The following OR2M3 variants were observed in gnomAD, a reference collection of about 807,000 sequenced individuals.
OR2M3 encodes olfactory receptor family 2 subfamily M member 3, also known as olfactory receptor 2M3.
A neutral mutation model predicts 4.3 loss-of-function variants in OR2M3; 1 was observed. The ratio of observed to expected loss-of-function variants is 0.23; its 90% confidence interval spans 0.08 to 1.11. OR2M3 has a LOEUF of 1.11. OR2M3 is among the 50% of genes most tolerant of loss of function. OR2M3 has a pLI of 0.54. For missense variants in OR2M3, 410 were observed against 390.4 expected, an observed-to-expected ratio of 1.05 and a Z score of -0.42; for synonymous variants, 151 against 139.4, an observed-to-expected ratio of 1.08 and a Z score of -0.59.
rs888153549 is a variant in OR2M3, at chr1:248,212,341, A to G, written c.*8335A>G. 1 of 152,064 alleles carries G rather than the reference A, an allele frequency of 6.6e-6. No homozygotes were observed. Among genetic ancestry groups the G allele is most frequent in the African/African-American group, 2.4e-5 (1 of 41,446 alleles). The allele number at this position is 152,064 out of a possible 1,614,324, so 9.4% of individuals were successfully genotyped here. On this transcript the variant is annotated 3_prime_UTR_variant, in exon 2 of 2. Transcript: ENST00000641626. ...ATATTCAATAATCCTTATCTTTTTA[A>G]CAATTAAGCAAAATGCATAATTAAT...
At chr1:248,200,343 G>A (rs1666142476) in intron 1 of OR2M3, among the ~76,000 whole-genome samples, 1 of 152,080 alleles carries the variant, frequency 6.6e-6, no homozygotes, top group African/African-American at 2.4e-5. Context: ...CATAGGCACT[G>A]AAAATTATTG....
At position 248,201,755 on chromosome 1, in the gene OR2M3, T is replaced by C. The variant is rs559771851; in HGVS notation, c.-18-1295T>C. ...ATGATGATTTCCAATTTCATCCATG[T>C]CCCTATAAAGGACATGAACTCATCA... On this transcript the variant is annotated intron_variant, in intron 1 of 1. Transcript: ENST00000641626. 5.4e-4 allele frequency among the ~76,000 whole-genome samples: 82 copies of C among 152,234 alleles called. 2 individuals are homozygous for C. In the East Asian group the frequency reaches 9.8e-3, roughly 18 times the overall value.
rs1440822264 is a variant in OR2M3 at position 248,208,307 on chromosome 1, T to C, written c.*4301T>C. ...AAGTGGAACATTTAGGCCACTAACA[T>C]CAATGTCGGAATTGAGATGTGAGGT... On this transcript the variant is annotated 3_prime_UTR_variant, in exon 2 of 2. Transcript: ENST00000641626. 2 of 152,156 alleles carry C rather than the reference T, an allele frequency of 1.3e-5. No individual in the cohort carries two copies. The highest frequency in any genetic ancestry group is 1.3e-4 in the Admixed American group (2 of 15,262). The allele number at this position is 152,156 out of a possible 1,614,324, so 9.4% of individuals were successfully genotyped here. A position where few individuals can be genotyped will look rare whatever the true frequency, so the allele number is the denominator to read the frequency against.
In OR2M3 at chr1:248,211,957, T is replaced by C. The variant is rs1470521546; in HGVS notation, c.*7951T>C. ...ATTTTTCTAAAATTGGTCAATTGTT[T>C]TAGCATTTCTGCTCTTTGAATAGGA... On this transcript the variant is annotated 3_prime_UTR_variant, in exon 2 of 2. Coordinates refer to ENST00000641626, the MANE Select transcript of OR2M3 (RefSeq NM_001004689.2). 3.3e-5 allele frequency: 5 copies of C among 152,230 alleles called. No individual in the cohort carries two copies. The highest frequency in any genetic ancestry group is 7.3e-5 in the Non-Finnish European group (5 of 68,042). The allele number at this position is 152,230 out of a possible 1,614,324, so 9.4% of individuals were successfully genotyped here.
intron 1 of OR2M3, among the ~76,000 whole-genome samples, chr1:248,201,540 A>G (rs928540110): frequency 6.6e-6 from 1 of 151,878 alleles, no homozygotes; most frequent in Admixed American, 6.6e-5. Context: ...GGTGTGCTGC[A>G]CCCATTAACT....
rs771206565 is a variant in OR2M3, at chr1:248,206,119, T to C, written c.*2113T>C. On this transcript the variant is annotated 3_prime_UTR_variant, in exon 2 of 2. Coordinates refer to ENST00000641626, the MANE Select transcript of OR2M3 (RefSeq NM_001004689.2). ...TTCTCAGCTGGTTGCCATTAGTATA[T>C]AGCAGAGCTACTGATTTGTGTACAT... 1.3e-5 allele frequency: 2 copies of C among 152,106 alleles called. No individual in the cohort carries two copies. The highest frequency in any genetic ancestry group is 2.4e-5 in the African/African-American group (1 of 41,426). 9.4% of individuals were successfully genotyped at this position (152,106 alleles called of 1,614,324 possible).
In OR2M3 at chr1:248,204,638, T is replaced by G. The variant is rs1435561531; in HGVS notation, c.*632T>G. 2.0e-5 allele frequency: 3 copies of G among 151,784 alleles called. No individual in the cohort carries two copies. Among genetic ancestry groups the G allele is most frequent in the Non-Finnish European group, 4.4e-5 (3 of 68,004 alleles). The allele number at this position is 151,784 out of a possible 1,614,324, so 9.4% of individuals were successfully genotyped here. A position where few individuals can be genotyped will look rare whatever the true frequency, so the allele number is the denominator to read the frequency against. Reference sequence around the variant, plus strand: ...ATAGATATATATATATATACGTATATATATACACACACACATATATATATA... The same window carrying G: ...ATAGATATATATATATATACGTATAGATATACACACACACATATATATATA... On this transcript the variant is annotated 3_prime_UTR_variant, in exon 2 of 2. Transcript: ENST00000641626.
rs575730204 is a variant in OR2M3 at position 248,208,343 on chromosome 1, A to T, written c.*4337A>T. On this transcript the variant is annotated 3_prime_UTR_variant, in exon 2 of 2. Transcript: ENST00000641626. The stretch of plus-strand genomic sequence containing the variant: ...ATTGAGATGTGAGGTACTATTCTAT[A>T]CATCGTGCTATTTGTTACCTGAATA... The T allele has an allele frequency of 1.3e-5, 2 of 152,172 alleles. No individual in the cohort carries two copies. The highest frequency in any genetic ancestry group is 4.1e-4 in the South Asian group (2 of 4,822). 9.4% of individuals were successfully genotyped at this position (152,172 alleles called of 1,614,324 possible). A position where few individuals can be genotyped will look rare whatever the true frequency, so the allele number is the denominator to read the frequency against.
Position 248,207,621 on chromosome 1 carries a change from G to C in OR2M3, c.*3615G>C, listed in dbSNP as rs1455314053. On this transcript the variant is annotated 3_prime_UTR_variant, in exon 2 of 2. Transcript: ENST00000641626. ...TCCATGTATTTGCAAGGTTTTGAGG[G>C]TTCCTTTTGGAGTTGATTTTCAATT... The C allele has an allele frequency of 6.6e-6, 1 of 151,996 alleles. No individual in the cohort carries two copies. Among genetic ancestry groups the C allele is most frequent in the Non-Finnish European group, 1.5e-5 (1 of 67,930 alleles). 9.4% of individuals were successfully genotyped at this position (151,996 alleles called of 1,614,324 possible).
Position 248,209,871 on chromosome 1 carries a change from G to A in OR2M3, c.*5865G>A, listed in dbSNP as rs1160844081. Reference sequence around the variant, plus strand: ...CTGGTCAAGTATTCAGGTTTCTCAGGTGATGGGTGAGGCCATAGAGGTAAC... The same window carrying A: ...CTGGTCAAGTATTCAGGTTTCTCAGATGATGGGTGAGGCCATAGAGGTAAC... On this transcript the variant is annotated 3_prime_UTR_variant, in exon 2 of 2. Transcript: ENST00000641626. The A allele has an allele frequency of 6.6e-6, 1 of 152,272 alleles. No homozygotes were observed. The highest frequency in any genetic ancestry group is 1.9e-4 in the East Asian group (1 of 5,190). 9.4% of individuals were successfully genotyped at this position (152,272 alleles called of 1,614,324 possible).
chr1:248,203,196 T>G lies in OR2M3; in HGVS notation c.129T>G (p.Ser43=), dbSNP rs1666178934. The G allele has an allele frequency of 1.2e-6, 2 of 1,613,944 alleles. No homozygotes were observed. The highest frequency in any genetic ancestry group is 1.7e-6 in the Non-Finnish European group (2 of 1,179,980). ...TTTCAGTGGCCTTCATGGGAAACTC[T>G]GTCATGGTTCTCCTCATCTACCTGG... is the stretch of plus-strand genomic sequence containing the variant. The part of the protein sequence containing the change: ...AIFSVAFMGN[S]VMVLLIYLDT... The change falls in exon 2 of 2, where the codon TCT becomes TCG. Residue 43 remains serine, a synonymous_variant. Coordinates refer to ENST00000641626, the MANE Select transcript of OR2M3 (RefSeq NM_001004689.2).
At position 248,203,636 on chromosome 1, in the gene OR2M3, G is replaced by A. The variant is rs763971411; in HGVS notation, c.569G>A (p.Ser190Asn). ...CCCTCCCTACTAATCCTCTCATGCA[G>A]TGACACATCAATATTTGAAAAGATT... ...DFPSLLILSC[S>N]DTSIFEKILF... is the part of the protein sequence containing the mutation. The change falls in exon 2 of 2, where the codon AGT becomes AAT. Residue 190 changes from serine to asparagine, a missense_variant. Physicochemically the swap from Ser to Asn is conservative, Grantham distance 46. Coordinates refer to ENST00000641626, the MANE Select transcript of OR2M3 (RefSeq NM_001004689.2). 3.8e-5 allele frequency: 62 copies of A among 1,613,696 alleles called. 2 individuals are homozygous for A. In the South Asian group the frequency reaches 6.4e-4, roughly 17 times the overall value.
In OR2M3 at chr1:248,212,185, A is replaced by G. The variant is rs547125954; in HGVS notation, c.*8179A>G. 39 of 152,238 alleles carry G rather than the reference A, an allele frequency of 2.6e-4. No individual in the cohort carries two copies. The highest frequency in any genetic ancestry group is 9.1e-4 in the African/African-American group (38 of 41,558). The allele number at this position is 152,238 out of a possible 1,614,324, so 9.4% of individuals were successfully genotyped here. Reference sequence around the variant, plus strand: ...GCCTTACCTTGAAATAAATAGTGAAACTGTACATGAAACAAGAAGTATACT... The same window carrying G: ...GCCTTACCTTGAAATAAATAGTGAAGCTGTACATGAAACAAGAAGTATACT... On this transcript the variant is annotated 3_prime_UTR_variant, in exon 2 of 2. Transcript: ENST00000641626.
Position 248,204,283 on chromosome 1 carries a change from G to A in OR2M3, c.*277G>A, listed in dbSNP as rs556309837. 3.5e-4 allele frequency: 91 copies of A among 262,570 alleles called. No individual in the cohort carries two copies. Among genetic ancestry groups the A allele is most frequent in the African/African-American group, 1.5e-3 (68 of 43,930 alleles). The allele number at this position is 262,570 out of a possible 1,614,324, so 16.3% of individuals were successfully genotyped here. A position where few individuals can be genotyped will look rare whatever the true frequency, so the allele number is the denominator to read the frequency against. On this transcript the variant is annotated 3_prime_UTR_variant, in exon 2 of 2. Transcript: ENST00000641626. ...CATAGGTTTTTGGAGAACAGGTAGTGTTTGGTTTTATGAATAAGTTCTTTA... is the reference window on the plus strand; with the variant it reads ...CATAGGTTTTTGGAGAACAGGTAGTATTTGGTTTTATGAATAAGTTCTTTA...
chr1:248,208,265 G>A lies in OR2M3; in HGVS notation c.*4259G>A, dbSNP rs1437234442. On this transcript the variant is annotated 3_prime_UTR_variant, in exon 2 of 2. Transcript: ENST00000641626. ...TGGTTGGTGAATTCTTATCCATTCT[G>A]CCATTCTGTATTTTTTAAGTGGAAC... is the stretch of plus-strand genomic sequence containing the variant. 1 of 151,968 alleles carries A rather than the reference G, an allele frequency of 6.6e-6. No homozygotes were observed. The highest frequency in any genetic ancestry group is 2.4e-5 in the African/African-American group (1 of 41,380). The allele number at this position is 151,968 out of a possible 1,614,324, so 9.4% of individuals were successfully genotyped here.
In OR2M3 at chr1:248,203,263, C is replaced by A; in HGVS notation, c.196C>A (p.Leu66Met). 1 of 1,614,116 alleles carries A rather than the reference C, an allele frequency of 6.2e-7. No individual in the cohort carries two copies. The highest frequency in any genetic ancestry group is 8.5e-7 in the Non-Finnish European group (1 of 1,180,004). Residue 66 changes from leucine to methionine, a missense_variant, in exon 2 of 2, where the codon CTG (leucine) becomes ATG (methionine). By Grantham distance (15) the Leu-to-Met change is conservative. Coordinates refer to ENST00000641626, the MANE Select transcript of OR2M3 (RefSeq NM_001004689.2). The stretch of plus-strand genomic sequence containing the variant: ...CCCCATGTACCTCCTCCTCAGCCAA[C>A]TGTCCCTCATGGACCTCATGCTCAT... ...HTPMYLLLSQ[L>M]SLMDLMLICT...
chr1:248,207,159 C>T lies in OR2M3; in HGVS notation c.*3153C>T, dbSNP rs1335478478. 2 of 151,922 alleles carry T rather than the reference C, an allele frequency of 1.3e-5. No homozygotes were observed. Among genetic ancestry groups the T allele is most frequent in the Non-Finnish European group, 2.9e-5 (2 of 67,932 alleles). 9.4% of individuals were successfully genotyped at this position (151,922 alleles called of 1,614,324 possible). A position where few individuals can be genotyped will look rare whatever the true frequency, so the allele number is the denominator to read the frequency against. ...TCTATGGAATCAATTGTAATATCTC[C>T]CTTTTCATTTCTAATTGTGTTTATT... On this transcript the variant is annotated 3_prime_UTR_variant, in exon 2 of 2. Transcript: ENST00000641626.
In OR2M3 at chr1:248,205,451, C is replaced by G. The variant is rs965949455; in HGVS notation, c.*1445C>G. 2 of 152,000 alleles carry G rather than the reference C, an allele frequency of 1.3e-5. No individual in the cohort carries two copies. Among genetic ancestry groups the G allele is most frequent in the African/African-American group, 4.8e-5 (2 of 41,370 alleles). The allele number at this position is 152,000 out of a possible 1,614,324, so 9.4% of individuals were successfully genotyped here. A position where few individuals can be genotyped will look rare whatever the true frequency, so the allele number is the denominator to read the frequency against. ...ACTTAGATTTAAGGTTTTTATCCAT[C>G]TTGAGTTGATTTTTGTATAAGGTGA... On this transcript the variant is annotated 3_prime_UTR_variant, in exon 2 of 2. Coordinates refer to ENST00000641626, the MANE Select transcript of OR2M3 (RefSeq NM_001004689.2).
At position 248,203,085 on chromosome 1, in the gene OR2M3, G is replaced by A. The variant is rs972733752; in HGVS notation, c.18G>A (p.Ser6=). 3.7e-6 allele frequency: 6 copies of A among 1,613,176 alleles called. No individual in the cohort carries two copies. The East Asian group carries it at 6.7e-5, about 18-fold the overall frequency. Residue 6 remains serine, a synonymous_variant, in exon 2 of 2, where the codon TCG becomes TCA. Coordinates refer to ENST00000641626, the MANE Select transcript of OR2M3 (RefSeq NM_001004689.2). The stretch of plus-strand genomic sequence containing the variant: ...TACACATCATGGCAAGGGAGAATTC[G>A]ACCTTCAACTCCGACTTCATCCTCC... MAREN[S]TFNSDFILLG... is the part of the protein sequence containing the mutation.
Sources: allele counts gnomAD v4.1 joint callset (sites outside exome capture counted in the v4.1 genomes callset), GRCh38; gene constraint gnomAD v4.1.1; transcripts MANE v1.5; gene names NCBI Gene and HGNC (gene_info 2026-07-23, HGNC 2026-07-21).